Variants in ZHX2 observed in about 807,000 individuals in gnomAD.
ZHX2 encodes the protein zinc fingers and homeoboxes 2, also known as zinc fingers and homeoboxes protein 2.
In ZHX2, 6 loss-of-function variants were observed where a neutral mutation model predicts 21.9. The ratio of observed to expected loss-of-function variants is 0.27; its 90% CI spans 0.15 to 0.54. The LOEUF is 0.54. ZHX2 is among the 20% of genes least tolerant of loss of function. The probability of loss-of-function intolerance (pLI) is 0.95; values close to 1 mark genes in which losing one functional copy is unlikely to be tolerated. For synonymous variants in ZHX2, 434 were observed against 437.1 expected (o/e 0.99, Z 0.09); for missense variants, 908 against 1,090.7 (o/e 0.83, Z 2.36).
At chr8:122,971,668 C>T (rs563545383) in intron 3 of ZHX2, among the ~76,000 whole-genome samples, 1 of 147,836 alleles carries the variant, frequency 6.8e-6, no homozygotes, top group Non-Finnish European at 1.5e-5. Context: ...AACAGCCTTA[C>T]CAGGAGGGAG....
chr8:122,866,267 A>C (rs1396919763), intron 2 of ZHX2, among the ~76,000 whole-genome samples: 1 of 152,210 alleles, frequency 6.6e-6, no homozygotes, highest in South Asian at 2.1e-4. Flanking sequence ...CCATGGCTGG[A>C]AGACAAACAG....
At chr8:122,886,311 G>A (rs559729951) in intron 2 of ZHX2, among the ~76,000 whole-genome samples, 1 of 152,332 alleles carries the variant, frequency 6.6e-6, no homozygotes, top group South Asian at 2.1e-4. Flanking sequence ...GATCAGTGTT[G>A]CCAGGAGTTC....
At chr8:122,847,577 C>T (rs887688593) in intron 1 of ZHX2, among the ~76,000 whole-genome samples, 1 of 152,230 alleles carries the variant, frequency 6.6e-6, no homozygotes, top group Non-Finnish European at 1.5e-5. Flanking sequence ...AAGCCCAGAG[C>T]AGGTGCCCTG....
chr8:122,829,020 A>G (rs1437288529), intron 1 of ZHX2, among the ~76,000 whole-genome samples: 3 of 152,250 alleles, frequency 2.0e-5, no homozygotes, highest in African/African-American at 4.8e-5. Context: ...ATAGAATATT[A>G]TAGAACAATT....
intron 2 of ZHX2, among the ~76,000 whole-genome samples, chr8:122,916,853 T>A (rs1820616252): frequency 6.6e-6 from 1 of 152,134 alleles, no homozygotes. Context: ...CTTCGTCTCC[T>A]GCCACTGTCT....
At chr8:122,941,562 C>T (rs1391462559) in intron 2 of ZHX2, among the ~76,000 whole-genome samples, 2 of 152,144 alleles carry the variant, frequency 1.3e-5, no homozygotes, top group African/African-American at 2.4e-5. Context: ...GTTTCTACCT[C>T]GTCCTCCAAA....
intron 2 of ZHX2, among the ~76,000 whole-genome samples, chr8:122,950,980 G>A (rs118127362): frequency 0.014 from 2,149 of 152,118 alleles, 45 homozygotes; most frequent in Admixed American, 0.057. Context: ...CACACCATCT[G>A]CGACTCCCTC....
At chr8:122,973,070 A>G (rs1563613885) in intron 3 of ZHX2, among the ~76,000 whole-genome samples, 172 bp from the exon 4 acceptor site, 1 of 151,408 alleles carries the variant, frequency 6.6e-6, no homozygotes. Flanking sequence ...GTTTCTTTAC[A>G]ACAGGCCCCG....
intron 2 of ZHX2, among the ~76,000 whole-genome samples, chr8:122,912,736 G>A (rs1820511955): frequency 6.6e-6 from 1 of 152,094 alleles, no homozygotes; most frequent in Admixed American, 6.6e-5. Flanking sequence ...TGATTTGTTA[G>A]CAAATACTTA....
At chr8:122,956,911 A>G (rs543714982) in intron 3 of ZHX2, among the ~76,000 whole-genome samples, 1 of 152,230 alleles carries the variant, frequency 6.6e-6, no homozygotes. Flanking sequence ...CCAGTTGAAA[A>G]TGCACATGGG....
intron 1 of ZHX2, among the ~76,000 whole-genome samples, chr8:122,857,379 A>C (rs1190935174): frequency 1.3e-5 from 2 of 151,660 alleles, no homozygotes; most frequent in Non-Finnish European, 2.9e-5. Context: ...AAAAAAATAG[A>C]TGCTGCCCTT....
rs762004635 is a variant in ZHX2, at chr8:122,953,243, C to T, written c.1733C>T (p.Ser578Leu). The T allele has an allele frequency of 1.7e-5, 27 of 1,613,896 alleles. No individual in the cohort carries two copies. The East Asian group carries it at 2.5e-4, about 15-fold the overall frequency. The change falls in exon 3 of 4, where the codon TCG becomes TTG. Residue 578 changes from serine (S) to leucine (L), a missense_variant. Physicochemically the swap from Ser to Leu is moderately radical, Grantham distance 145. Transcript: ENST00000314393. This position sits in a 1 kb window ranked among gnomAD's most constrained non-coding sequence, Gnocchi z 4.6. ...LSRREIDSWF[S>L]ERRKLRDSME... Reference sequence around the variant, plus strand: ...AGGAGAGAGATCGACTCCTGGTTCTCGGAGAGGCGGAAGCTTCGAGACAGC... The same window carrying T: ...AGGAGAGAGATCGACTCCTGGTTCTTGGAGAGGCGGAAGCTTCGAGACAGC...
At chr8:122,946,066 G>A (rs1171472041) in intron 2 of ZHX2, among the ~76,000 whole-genome samples, 1 of 152,210 alleles carries the variant, frequency 6.6e-6, no homozygotes, top group Non-Finnish European at 1.5e-5. Context: ...GCTGGGACAC[G>A]CACCACTCGC....
At position 122,953,637 on chromosome 8, in the gene ZHX2, A is replaced by G. The variant is rs775351443; in HGVS notation, c.2127A>G (p.Ala709=). The change falls in exon 3 of 4, where the codon GCA becomes GCG. Residue 709 remains alanine, a synonymous_variant. Coordinates refer to ENST00000314393, the MANE Select transcript of ZHX2 (RefSeq NM_014943.5). This position sits in a 1 kb window ranked among gnomAD's most constrained non-coding sequence, Gnocchi z 4.6. The stretch of plus-strand genomic sequence containing the variant: ...ATGATCACGGCTACGATGCCGTAGC[A>G]AGGAAAGCAACAAAACCCATGGCCG... The part of the protein sequence containing the change: ...MADDHGYDAV[A]RKATKPMAES... 21 of 1,614,236 alleles carry G rather than the reference A, an allele frequency of 1.3e-5. No homozygotes were observed. In the African/African-American group the frequency reaches 2.7e-4, roughly 20 times the overall value.
intron 2 of ZHX2, among the ~76,000 whole-genome samples, chr8:122,906,352 A>C (rs577232873): frequency 2.0e-5 from 3 of 152,338 alleles, no homozygotes; most frequent in African/African-American, 7.2e-5. Context: ...ATCGGAGATA[A>C]CCTGTGAGTC....
chr8:122,916,742 A>G (rs1459857230), intron 2 of ZHX2, among the ~76,000 whole-genome samples: 1 of 151,740 alleles, frequency 6.6e-6, no homozygotes, highest in African/African-American at 2.4e-5. Flanking sequence ...CCTTCCATCC[A>G]TCCTATCGTT....
At chr8:122,874,478 CA>C (rs1415127177) in intron 2 of ZHX2, among the ~76,000 whole-genome samples, 2 of 150,642 alleles carry the variant, frequency 1.3e-5, no homozygotes, top group Non-Finnish European at 3.0e-5. Context: ...GGATTACAGG[CA>C]TGCACCACCA....
intron 1 of ZHX2, among the ~76,000 whole-genome samples, chr8:122,838,167 A>G (rs1261950780): frequency 6.6e-6 from 1 of 152,248 alleles, no homozygotes; most frequent in Non-Finnish European, 1.5e-5. Flanking sequence ...AGAATCTTCT[A>G]CAAAAACAAA....
intron 3 of ZHX2, among the ~76,000 whole-genome samples, chr8:122,972,589 T>A (rs1813752250): frequency 6.6e-6 from 1 of 152,112 alleles, no homozygotes; most frequent in Admixed American, 6.6e-5. Context: ...AAAAACACAT[T>A]TACAATGCCT....
Sources: gnomAD v4.1 joint callset for allele counts (sites outside exome capture counted in the v4.1 genomes callset) on GRCh38, gnomAD v4.1.1 for gene constraint, Gnocchi (gnomAD v3.1) non-coding constraint, MANE v1.5 for transcripts, NCBI Gene and HGNC (gene_info 2026-07-23, HGNC 2026-07-21) for gene names.